ADCY8: variants seen among roughly 807,000 people sequenced by gnomAD.
ADCY8 encodes adenylate cyclase type 8.
In ADCY8, 51 loss-of-function variants were observed where a neutral mutation model predicts 119.7. The ratio of observed to expected loss-of-function variants is 0.43; its 90% confidence interval spans 0.34 to 0.54. The LOEUF (loss-of-function observed/expected upper bound fraction) is 0.54, where lower values mean the gene tolerates loss of function less well. Among genes scored for constraint, ADCY8 ranks in the 20% least tolerant of loss-of-function variants. ADCY8 has a pLI of 0.03. For missense variants in ADCY8, 1,383 were observed against 1,598.8 expected, an observed-to-expected ratio of 0.87 and a Z score of 2.30; for synonymous variants, 665 against 651.0, an observed-to-expected ratio of 1.02 and a Z score of -0.33.
chr8:130,958,539 G>A (rs1317863414), intron 2 of ADCY8, among the ~76,000 whole-genome samples: 1 of 152,106 alleles, frequency 6.6e-6, no homozygotes, highest in East Asian at 1.9e-4. Flanking sequence ...CACATGGCTG[G>A]GAGCTCTCAC....
At chr8:130,894,268 G>C (rs1215020884) in intron 7 of ADCY8, among the ~76,000 whole-genome samples, 1 of 152,096 alleles carries the variant, frequency 6.6e-6, no homozygotes, top group African/African-American at 2.4e-5. Context: ...CTACCTCTTT[G>C]GGGTTGTGCC....
chr8:131,020,819 T>TAGG (rs1466827601), intron 1 of ADCY8, among the ~76,000 whole-genome samples: 1 of 152,186 alleles, frequency 6.6e-6, no homozygotes, highest in African/African-American at 2.4e-5. Flanking sequence ...GAGTTACAAG[T>TAGG]AGGAAGGTAT....
chr8:130,856,420 A>G (rs1005424764), intron 9 of ADCY8, among the ~76,000 whole-genome samples: 1 of 152,112 alleles, frequency 6.6e-6, no homozygotes, highest in South Asian at 2.1e-4. Flanking sequence ...CAGAGGAAGC[A>G]ACAGACACGG....
In ADCY8 at chr8:130,896,879, T is replaced by C. The variant is rs1586546073; in HGVS notation, c.1911+6893A>G. ...GGTAGAATTCTGAAGTGTATGTGGC[T>C]CACCAGTATGGCCACAGTCTTGGAG... On this transcript the variant is annotated intron_variant, in intron 7 of 17. Transcript: ENST00000286355. Among the ~76,000 whole-genome samples, 5 of 152,224 alleles carry C rather than the reference T, an allele frequency of 3.3e-5. No individual in the cohort carries two copies. In the South Asian group the frequency reaches 1.0e-3, roughly 32 times the overall value.
intron 5 of ADCY8, among the ~76,000 whole-genome samples, chr8:130,917,022 G>T (rs1351924474): frequency 1.3e-5 from 2 of 152,164 alleles, no homozygotes; most frequent in Non-Finnish European, 2.9e-5. Context: ...ATTTCACAAA[G>T]TGCTTCCCAA....
chr8:131,001,090 C>A (rs754533987), intron 1 of ADCY8, among the ~76,000 whole-genome samples: 1 of 152,098 alleles, frequency 6.6e-6, no homozygotes, highest in Admixed American at 6.6e-5. Flanking sequence ...CTCAAGCACA[C>A]CATAATATCT....
intron 11 of ADCY8, among the ~76,000 whole-genome samples, chr8:130,847,180 G>A (rs1233626386): frequency 1.3e-5 from 2 of 152,020 alleles, no homozygotes; most frequent in Non-Finnish European, 2.9e-5. Context: ...AAGAAATGAG[G>A]AAGGGGTGAA....
intron 1 of ADCY8, among the ~76,000 whole-genome samples, chr8:131,034,575 T>C (rs112563736): frequency 0.014 from 2,100 of 152,246 alleles, 31 homozygotes; most frequent in African/African-American, 0.029. Flanking sequence ...CTCTCCTGTT[T>C]GATAGGATGT....
intron 5 of ADCY8, among the ~76,000 whole-genome samples, chr8:130,918,188 A>G (rs945045843): frequency 1.2e-4 from 19 of 152,214 alleles, no homozygotes; most frequent in Non-Finnish European, 2.6e-4. Context: ...AACAAGAGGA[A>G]TGTATTTCTC....
intron 11 of ADCY8, among the ~76,000 whole-genome samples, chr8:130,836,720 A>C (rs942902231): frequency 6.6e-6 from 1 of 151,992 alleles, no homozygotes; most frequent in Non-Finnish European, 1.5e-5. Flanking sequence ...GGCCATCCTA[A>C]GTTGGTAGAT....
chr8:130,954,448 T>C (rs1373544568), intron 2 of ADCY8, among the ~76,000 whole-genome samples: 2 of 152,194 alleles, frequency 1.3e-5, no homozygotes, highest in Non-Finnish European at 2.9e-5. Context: ...TTCATCAGTA[T>C]GTTTTGAAGG....
At chr8:130,887,910 G>A (rs1489885097) in intron 7 of ADCY8, among the ~76,000 whole-genome samples, 2 of 152,100 alleles carry the variant, frequency 1.3e-5, no homozygotes, top group Non-Finnish European at 2.9e-5. Context: ...CAGTAGTGGA[G>A]ACAGGTATAA....
rs144361458 is a variant in ADCY8, at chr8:130,792,717, C to G, written c.3061-7242G>C. Reference sequence around the variant, plus strand: ...ATCCATTTTCTTTTATTGAAATAAGCCTCTTAATTGGCTCCCTTCTTCCAC... The same window carrying G: ...ATCCATTTTCTTTTATTGAAATAAGGCTCTTAATTGGCTCCCTTCTTCCAC... On this transcript the variant is annotated intron_variant, in intron 15 of 17. Coordinates refer to ENST00000286355, the MANE Select transcript of ADCY8 (RefSeq NM_001115.3). 2.6e-5 allele frequency among the ~76,000 whole-genome samples: 4 copies of G among 152,290 alleles called. No individual in the cohort carries two copies. The East Asian group carries it at 7.7e-4, about 29-fold the overall frequency.
intron 15 of ADCY8, among the ~76,000 whole-genome samples, chr8:130,787,954 G>A (rs1815310244): frequency 6.6e-6 from 1 of 152,156 alleles, no homozygotes; most frequent in Non-Finnish European, 1.5e-5. Flanking sequence ...GGCAGAGAAG[G>A]GGTGTCAAGA....
intron 9 of ADCY8, among the ~76,000 whole-genome samples, chr8:130,860,908 G>A (rs72712490): frequency 0.093 from 14,090 of 152,026 alleles, 701 homozygotes; most frequent in African/African-American, 0.11. Flanking sequence ...TTCTGTTCCC[G>A]TATTAGTTTG....
chr8:130,833,099 A>G (rs1263466354), intron 12 of ADCY8, among the ~76,000 whole-genome samples: 1 of 152,158 alleles, frequency 6.6e-6, no homozygotes, highest in Admixed American at 6.5e-5. Context: ...TGATATATCC[A>G]TGGCCACTAA....
chr8:131,022,808 T>C (rs1259258425), intron 1 of ADCY8, among the ~76,000 whole-genome samples: 1 of 152,156 alleles, frequency 6.6e-6, no homozygotes, highest in African/African-American at 2.4e-5. Flanking sequence ...ATTCTGGTAA[T>C]GTAAGTGGCT....
Position 130,839,923 on chromosome 8 carries a change from G to A in ADCY8, c.2503-3474C>T, listed in dbSNP as rs1211756972. ...TGCCTAAGAAATAAATTGCGGTAGG[G>A]TAGAATATACGATGTATCAGGATTA... On this transcript the variant is annotated intron_variant, in intron 11 of 17. Coordinates refer to ENST00000286355, the MANE Select transcript of ADCY8 (RefSeq NM_001115.3). 4.3e-5 allele frequency among the ~76,000 whole-genome samples: 6 copies of A among 140,148 alleles called. 2 individuals carry two copies. The highest frequency in any genetic ancestry group is 8.1e-5 in the Non-Finnish European group (5 of 61,946). The allele number at this position is 140,148 out of a possible 152,430, so 91.9% of individuals were successfully genotyped here.
chr8:130,970,765 C>G (rs1253090561), intron 2 of ADCY8, among the ~76,000 whole-genome samples: 1 of 152,156 alleles, frequency 6.6e-6, no homozygotes, highest in East Asian at 1.9e-4. Context: ...TTAGGTCACT[C>G]TCACTTCTGG....
Sources: allele counts gnomAD v4.1 joint callset (sites outside exome capture counted in the v4.1 genomes callset), GRCh38; gene constraint gnomAD v4.1.1; transcripts MANE v1.5; gene names NCBI Gene and HGNC (gene_info 2026-07-23, HGNC 2026-07-21).